The following MORN1 variants were observed in gnomAD, a reference collection of about 807,000 sequenced individuals.
MORN1 encodes MORN repeat containing 1.
A neutral mutation model predicts 61.9 loss-of-function variants in MORN1; 67 were observed. The ratio of observed to expected loss-of-function variants is 1.08; its 90% CI spans 0.89 to 1.33. The LOEUF is 1.33. Ranked by LOEUF, MORN1 falls within the 40% of genes most tolerant of loss-of-function variation. The pLI, the probability that MORN1 is intolerant of heterozygous loss-of-function variation, is 0.00. For synonymous variants in MORN1, 301 were observed against 292.0 expected, an observed-to-expected ratio of 1.03 and a Z score of -0.31; for missense variants, 752 against 691.2, an observed-to-expected ratio of 1.09 and a Z score of -0.99.
chr1:2,345,642 C>T (rs569851642), intron 10 of MORN1, among the ~76,000 whole-genome samples: 2 of 152,328 alleles, frequency 1.3e-5, no homozygotes, highest in East Asian at 3.9e-4. Context: ...AACATAGGGG[C>T]TCTGTGTCCC....
chr1:2,375,941 C>T (rs1426039589), intron 6 of MORN1: 1 of 152,448 alleles, frequency 6.6e-6, no homozygotes, highest in Admixed American at 6.5e-5. Flanking sequence ...CCGTGCCACC[C>T]TGGGCTCTGG....
At chr1:2,355,495 C>T (rs1329025097) in intron 10 of MORN1, 1 of 1,549,848 alleles carries the variant, frequency 6.5e-7, no homozygotes, top group Admixed American at 2.0e-5. Flanking sequence ...GGCTCTGAGG[C>T]TCTGGGGCTT....
At chr1:2,382,051 G>A (rs908772372) in intron 6 of MORN1, among the ~76,000 whole-genome samples, 1 of 152,228 alleles carries the variant, frequency 6.6e-6, no homozygotes, top group Non-Finnish European at 1.5e-5. Flanking sequence ...TTGGCGCCTG[G>A]GTAGTAGCCA....
chr1:2,381,636 G>A (rs1033346568), intron 6 of MORN1, among the ~76,000 whole-genome samples: 1 of 152,184 alleles, frequency 6.6e-6, no homozygotes, highest in Non-Finnish European at 1.5e-5. Context: ...GTCACGCGAA[G>A]GGTTTGGCAC....
chr1:2,356,029 G>C (rs572836220), intron 10 of MORN1, among the ~76,000 whole-genome samples: 4 of 152,206 alleles, frequency 2.6e-5, no homozygotes, highest in Non-Finnish European at 5.9e-5. Context: ...CAGGGGCCTG[G>C]AGGGTTGGAG....
intron 13 of MORN1, among the ~76,000 whole-genome samples, chr1:2,321,803 G>C (rs898868147): frequency 1.3e-5 from 2 of 152,128 alleles, no homozygotes; most frequent in Admixed American, 1.3e-4. Flanking sequence ...AAACTAATTT[G>C]GGGTAAAGGA....
intron 3 of MORN1, 103 bp downstream of exon 3, chr1:2,388,136 T>TA: frequency 1.1e-6 from 1 of 904,350 alleles, no homozygotes; most frequent in Non-Finnish European, 1.8e-6. Context: ...GGCACAAAGC[T>TA]TCCCGTCTAC....
rs146476863 is a variant in MORN1 at position 2,357,507 on chromosome 1, G to A, written c.961C>T (p.Pro321Ser). The A allele has an allele frequency of 1.2e-6, 2 of 1,612,792 alleles. No individual in the cohort carries two copies. The highest frequency in any genetic ancestry group is 1.7e-5 in the Admixed American group (1 of 59,962). ...AGCTCCAGGTCTCCCCTGGGCAGGG[G>A]CACGTCGGCTTCTGCCCCTCCCTTG... ...AAKGGAEADV[P>S]LPRGDLELHL... is the part of the protein sequence containing the mutation. The change falls in exon 10 of 14, where the codon CCC (proline) becomes TCC (serine). Residue 321 changes from proline to serine, a missense_variant. Transcript: ENST00000378531. The surrounding 1 kb of genome is among the most constrained non-coding windows in gnomAD (Gnocchi z 6.3).
intron 12 of MORN1, among the ~76,000 whole-genome samples, chr1:2,335,427 C>T (rs996897109): frequency 6.6e-6 from 1 of 152,168 alleles, no homozygotes; most frequent in African/African-American, 2.4e-5. Flanking sequence ...CCCAAGACCC[C>T]GTGTTGGTCC....
chr1:2,339,398 C>G (rs995214505), intron 10 of MORN1, among the ~76,000 whole-genome samples: 5 of 152,222 alleles, frequency 3.3e-5, no homozygotes. Flanking sequence ...CTCCCTGAGT[C>G]GGGGCTGCAG....
At position 2,324,077 on chromosome 1, in the gene MORN1, CTT is replaced by C; in HGVS notation, c.1297+18_1297+19del. 6.3e-7 allele frequency: 1 copy of C among 1,589,970 alleles called. No individual in the cohort carries two copies. Among genetic ancestry groups the C allele is most frequent in the Non-Finnish European group, 8.5e-7 (1 of 1,170,142 alleles). ...AGACAGTGGCACAGCCGGCGATGGA[CTT>C]GGGCCCTGTCCACCTACCTAGGTGT... On this transcript the variant is annotated intron_variant, in intron 13 of 13. Coordinates refer to ENST00000378531, the MANE Select transcript of MORN1 (RefSeq NM_024848.3).
intron 12 of MORN1, among the ~76,000 whole-genome samples, chr1:2,325,136 C>CTTCCTTCCTTCCT (rs112563477): frequency 1.9e-4 from 1 of 5,322 alleles, no homozygotes; most frequent in African/African-American, 7.6e-4. Flanking sequence ...CCTTCCTTCC[C>CTTCCTTCCTTCCT]TCCCTCCCTC....
chr1:2,331,599 G>A (rs1386250765), intron 12 of MORN1, among the ~76,000 whole-genome samples: 2 of 152,204 alleles, frequency 1.3e-5, no homozygotes, highest in African/African-American at 4.8e-5. Flanking sequence ...GGCTCTGGGA[G>A]GGCAGACATG....
At chr1:2,383,222 A>G (rs1019868797) in intron 6 of MORN1, among the ~76,000 whole-genome samples, 3 of 152,212 alleles carry the variant, frequency 2.0e-5, no homozygotes, top group African/African-American at 7.2e-5. Context: ...TTGTCAACAG[A>G]GAACAAGGCG....
Position 2,336,720 on chromosome 1 carries a change from G to A in MORN1, c.1167C>T (p.His389=), listed in dbSNP as rs762240067. The change falls in exon 11 of 14, where the codon CAC becomes CAT. Residue 389 remains histidine, a synonymous_variant. Transcript: ENST00000378531. ...YHPFLFLDSL[H]KKAGGRSRGG... Reference sequence around the variant, plus strand: ...CCCGCCCCCCGTGGGCACCCACCTTGTGGAGGCTGTCCAGGAACAGGAAGG... The same window carrying A: ...CCCGCCCCCCGTGGGCACCCACCTTATGGAGGCTGTCCAGGAACAGGAAGG... 4.3e-5 allele frequency: 68 copies of A among 1,567,264 alleles called. No homozygotes were observed. In the East Asian group the frequency reaches 1.5e-3, roughly 35 times the overall value.
intron 12 of MORN1, among the ~76,000 whole-genome samples, chr1:2,328,874 C>T (rs185635959): frequency 9.1e-4 from 139 of 152,286 alleles, no homozygotes; most frequent in African/African-American, 3.1e-3. Flanking sequence ...CTGCCTGGGC[C>T]GAGGAACTGG....
chr1:2,340,600 C>T (rs1285391447), intron 10 of MORN1, among the ~76,000 whole-genome samples: 2 of 152,224 alleles, frequency 1.3e-5, no homozygotes, highest in Non-Finnish European at 2.9e-5. Context: ...GTCCTGTCGC[C>T]CACTGCTTGT....
chr1:2,342,645 C>G (rs1229318520), intron 10 of MORN1, among the ~76,000 whole-genome samples: 1 of 151,894 alleles, frequency 6.6e-6, no homozygotes, highest in Non-Finnish European at 1.5e-5. Context: ...CCTCACCTCC[C>G]TCACCCTTCT....
chr1:2,341,119 C>T (rs1046021801), intron 10 of MORN1, among the ~76,000 whole-genome samples: 1 of 152,236 alleles, frequency 6.6e-6, no homozygotes, highest in African/African-American at 2.4e-5. Context: ...GTGGCTCCTC[C>T]CGACGGAGCC....
Sources: allele counts gnomAD v4.1 joint callset (sites outside exome capture counted in the v4.1 genomes callset), GRCh38; gene constraint gnomAD v4.1.1; non-coding constraint Gnocchi (gnomAD v3.1); transcripts MANE v1.5; gene names NCBI Gene and HGNC (gene_info 2026-07-23, HGNC 2026-07-21).